UBA6: variants seen among roughly 807,000 people sequenced by gnomAD.
UBA6 encodes ubiquitin-like modifier-activating enzyme 6.
A neutral mutation model predicts 148.3 loss-of-function variants in UBA6; 87 were observed. That is an observed-to-expected ratio of 0.59 (90% CI 0.49 to 0.70). The LOEUF (loss-of-function observed/expected upper bound fraction) is 0.70, where lower values mean the gene tolerates loss of function less well. UBA6 is among the 30% of genes least tolerant of loss of function. UBA6 has a pLI of 0.00. For missense variants in UBA6, 1,186 were observed against 1,241.2 expected (o/e 0.96, Z 0.67); for synonymous variants, 376 against 401.0 (o/e 0.94, Z 0.75).
chr4:67,673,370 T>A (rs1356448934), intron 7 of UBA6, among the ~76,000 whole-genome samples: 1 of 146,840 alleles, frequency 6.8e-6, no homozygotes. Flanking sequence ...GAGCCAAGAT[T>A]GTGTCACTGC....
At chr4:67,656,633 C>T (rs1729704005) in intron 13 of UBA6, among the ~76,000 whole-genome samples, 1 of 152,166 alleles carries the variant, frequency 6.6e-6, no homozygotes, top group African/African-American at 2.4e-5. Flanking sequence ...GACAAGGATG[C>T]CCTCTCTCAC....
chr4:67,671,587 G>T (rs1730150766), intron 7 of UBA6, among the ~76,000 whole-genome samples: 1 of 151,938 alleles, frequency 6.6e-6, no homozygotes, highest in Admixed American at 6.5e-5. Flanking sequence ...GTGCCCTATT[G>T]TAAGTTCAGT....
In UBA6 at chr4:67,696,699, T is replaced by A. The variant is rs753614112; in HGVS notation, c.80A>T (p.Lys27Ile). 1 of 1,606,630 alleles carries A rather than the reference T, an allele frequency of 6.2e-7. No individual in the cohort carries two copies. The highest frequency in any genetic ancestry group is 1.1e-5 in the South Asian group (1 of 89,448). ...CSSWGTGSTN[K>I]NLPIMSTASV... ...TGCTGTTGACATAATGGGCAAATTT[T>A]TATTTGTGCTGGAAAAAAAAACATG... is the stretch of plus-strand genomic sequence containing the variant. Residue 27 changes from lysine (K) to isoleucine (I), a missense_variant, in exon 2 of 33, where the codon AAA (lysine) becomes ATA (isoleucine). Lys to Ile is a moderately radical substitution (Grantham distance 102, BLOSUM62 -3). Coordinates refer to ENST00000322244, the MANE Select transcript of UBA6 (RefSeq NM_018227.6).
intron 32 of UBA6, among the ~76,000 whole-genome samples, chr4:67,621,795 A>T (rs996765408): frequency 6.6e-6 from 1 of 152,136 alleles, no homozygotes; most frequent in African/African-American, 2.4e-5. Context: ...ACACAGTGAG[A>T]CTCCGTCTCA....
At chr4:67,675,942 A>G (rs1256260795) in intron 6 of UBA6, among the ~76,000 whole-genome samples, 1 of 150,494 alleles carries the variant, frequency 6.6e-6, no homozygotes, top group Non-Finnish European at 1.5e-5. Context: ...AGTTGAGGGT[A>G]TATTTCTCTA....
Position 67,631,837 on chromosome 4 carries a change from T to C in UBA6, c.2194+20A>G, listed in dbSNP as rs1729004643. The C allele has an allele frequency of 6.2e-7, 1 of 1,611,270 alleles. No homozygotes were observed. The highest frequency in any genetic ancestry group is 1.1e-5 in the South Asian group (1 of 90,736). ...CAGTAATAAATGTCATTAAAATTTATTCTCAACATTTATACTTACTGCCAT... is the reference window on the plus strand; with the variant it reads ...CAGTAATAAATGTCATTAAAATTTACTCTCAACATTTATACTTACTGCCAT... On this transcript the variant is annotated intron_variant, in intron 24 of 32. Coordinates refer to ENST00000322244, the MANE Select transcript of UBA6 (RefSeq NM_018227.6).
chr4:67,635,292 A>C (rs1029658196), intron 20 of UBA6, among the ~76,000 whole-genome samples, 161 bp downstream of exon 20: 9 of 152,190 alleles, frequency 5.9e-5, no homozygotes, highest in Non-Finnish European at 1.3e-4. Context: ...ATAATTAAAA[A>C]AAAGTTCAAT....
At chr4:67,660,786 C>T (rs754310227) in intron 13 of UBA6, among the ~76,000 whole-genome samples, 28 of 152,226 alleles carry the variant, frequency 1.8e-4, no homozygotes, top group Non-Finnish European at 3.1e-4. Flanking sequence ...ACCATGAATC[C>T]GGAAAAGCTG....
rs138614455 is a variant in UBA6 at position 67,623,162 on chromosome 4, G to T, written c.2901C>A (p.Thr967=). ...RWTVHGKEDF[T]LLDFINAVKE... The stretch of plus-strand genomic sequence containing the variant: ...TGACTGCATTTATGAAATCCAAGAG[G>T]GTGAAATCTTCTTTTCCATGTACGG... The change falls in exon 31 of 33, where the codon ACC becomes ACA. Residue 967 remains threonine, a synonymous_variant. Coordinates refer to ENST00000322244, the MANE Select transcript of UBA6 (RefSeq NM_018227.6). 488 of 1,612,482 alleles carry T rather than the reference G, an allele frequency of 3.0e-4. 2 individuals carry two copies. The African/African-American group carries it at 5.9e-3, about 20-fold the overall frequency.
At chr4:67,634,635 C>A (rs1319799511) in intron 20 of UBA6, 117 bp from the exon 21 acceptor site, 8 of 644,256 alleles carry the variant, frequency 1.2e-5, no homozygotes, top group Non-Finnish European at 4.9e-6. Flanking sequence ...TAAAATCCAA[C>A]CAGACATTTT....
rs1728873931 is a variant in UBA6 at position 67,626,544 on chromosome 4, C to A, written c.2401-67G>T. 3.1e-6 allele frequency: 3 copies of A among 975,616 alleles called. No homozygotes were observed. In the Admixed American group the frequency reaches 7.4e-5, roughly 24 times the overall value. The allele number at this position is 975,616 out of a possible 1,614,324, so 60.4% of individuals were successfully genotyped here. A position where few individuals can be genotyped will look rare whatever the true frequency, so the allele number is the denominator to read the frequency against. ...CTGCATCTGTTTGGTTACCATTTAA[C>A]TGTTTTATCAAATTACAAAGAGAAA... is the stretch of plus-strand genomic sequence containing the variant. On this transcript the variant is annotated intron_variant, in intron 27 of 32. Transcript: ENST00000322244.
At position 67,618,884 on chromosome 4, in the gene UBA6, G is replaced by C. The variant is rs1426626219; in HGVS notation, c.*113C>G. 2.8e-6 allele frequency: 3 copies of C among 1,071,722 alleles called. No individual in the cohort carries two copies. The highest frequency in any genetic ancestry group is 3.2e-5 in the African/African-American group (2 of 61,882). 66.4% of individuals were successfully genotyped at this position (1,071,722 alleles called of 1,614,324 possible). A position where few individuals can be genotyped will look rare whatever the true frequency, so the allele number is the denominator to read the frequency against. ...TTACTGATGTTTCCCTTAAAATTAA[G>C]GCTTAATGAAAGAGAAATCCATAGT... On this transcript the variant is annotated 3_prime_UTR_variant, in exon 33 of 33. Coordinates refer to ENST00000322244, the MANE Select transcript of UBA6 (RefSeq NM_018227.6).
Position 67,663,980 on chromosome 4 carries a change from T to C in UBA6, c.898-33A>G, listed in dbSNP as rs534770257. ...GAAGGAAAAAGTCATTACTTCAGAG[T>C]GAGTGAGTGATTATTTGACAAAATA... On this transcript the variant is annotated intron_variant, in intron 10 of 32. Coordinates refer to ENST00000322244, the MANE Select transcript of UBA6 (RefSeq NM_018227.6). The C allele has an allele frequency of 6.5e-6, 10 of 1,541,536 alleles. No homozygotes were observed. The South Asian group carries it at 1.0e-4, about 16-fold the overall frequency.
At chr4:67,646,043 G>A (rs1247526579) in intron 15 of UBA6, 27 bp from the exon 16 acceptor site, 2 of 1,359,654 alleles carry the variant, frequency 1.5e-6, no homozygotes, top group African/African-American at 1.5e-5. Flanking sequence ...ATACCAAAAA[G>A]CAGAAATAAA....
At position 67,701,140 on chromosome 4, in the gene UBA6, C is replaced by T; in HGVS notation, c.-21G>A. The T allele has an allele frequency of 6.2e-7, 1 of 1,610,784 alleles. No individual in the cohort carries two copies. The highest frequency in any genetic ancestry group is 1.7e-4 in the Middle Eastern group (1 of 6,044). Reference sequence around the variant, plus strand: ...TCCATTGCCGCCTGAGACACCGCCGCCGGCTACTGGAAGGTAGGAAGGGGC... The same window carrying T: ...TCCATTGCCGCCTGAGACACCGCCGTCGGCTACTGGAAGGTAGGAAGGGGC... On this transcript the variant is annotated 5_prime_UTR_variant, in exon 1 of 33. Transcript: ENST00000322244.
At chr4:67,692,712 A>G (rs970042511) in intron 2 of UBA6, among the ~76,000 whole-genome samples, 1 of 152,192 alleles carries the variant, frequency 6.6e-6, no homozygotes, top group Non-Finnish European at 1.5e-5. Context: ...ACTTGCTTCA[A>G]AACACAACAT....
At chr4:67,687,042 T>TG (rs1317519055) in intron 2 of UBA6, among the ~76,000 whole-genome samples, 1 of 143,636 alleles carries the variant, frequency 7.0e-6, no homozygotes, top group African/African-American at 2.7e-5. Flanking sequence ...ATGTTTTTTT[T>TG]TTTTTTTTTT....
intron 23 of UBA6, among the ~76,000 whole-genome samples, chr4:67,632,896 G>A (rs1445975761): frequency 6.6e-6 from 1 of 152,060 alleles, no homozygotes; most frequent in Non-Finnish European, 1.5e-5. Flanking sequence ...AGACTAAAGA[G>A]AAGGCAACAC....
chr4:67,674,771 T>C (rs1480142332), intron 6 of UBA6, among the ~76,000 whole-genome samples: 1 of 152,240 alleles, frequency 6.6e-6, no homozygotes, highest in Non-Finnish European at 1.5e-5. Context: ...TCTTTTCTAT[T>C]GCTTTCTATC....
Sources: allele counts gnomAD v4.1 joint callset (sites outside exome capture counted in the v4.1 genomes callset), GRCh38; gene constraint gnomAD v4.1.1; transcripts MANE v1.5; gene names NCBI Gene and HGNC (gene_info 2026-07-23, HGNC 2026-07-21).